XIRP2: variants seen among roughly 807,000 people sequenced by gnomAD.
XIRP2 encodes xin actin binding repeat containing 2.
Under a neutral mutation model 277.0 loss-of-function variants are expected in XIRP2, and 236 were observed. That is an observed-to-expected ratio of 0.85 (90% confidence interval 0.77 to 0.95). XIRP2 has a LOEUF of 0.95. Among genes scored for constraint, XIRP2 ranks in the 40% least tolerant of loss-of-function variants. XIRP2 has a pLI of 0.00. For synonymous variants in XIRP2, 1,490 were observed against 1,416.5 expected, an observed-to-expected ratio of 1.05 and a Z score of -1.17; for missense variants, 4,640 against 4,157.5, an observed-to-expected ratio of 1.12 and a Z score of -3.19.
At chr2:167,078,562 A>T (rs1379047616) in intron 2 of XIRP2, among the ~76,000 whole-genome samples, 1 of 152,096 alleles carries the variant, frequency 6.6e-6, no homozygotes, top group East Asian at 1.9e-4. Flanking sequence ...ACTGGCCGGG[A>T]GTGGTGGCTC....
chr2:167,014,257 C>T (rs1170964437), intron 2 of XIRP2, among the ~76,000 whole-genome samples: 1 of 151,214 alleles, frequency 6.6e-6, no homozygotes. Flanking sequence ...CAGAGAACAC[C>T]TATAAACAAA....
chr2:167,035,863 G>A (rs778306674), intron 2 of XIRP2, among the ~76,000 whole-genome samples: 10 of 152,176 alleles, frequency 6.6e-5, no homozygotes, highest in Non-Finnish European at 1.5e-5. Context: ...CCTATGCTTT[G>A]TGCAGCCTAG....
chr2:167,119,863 T>G (rs1191583892), intron 2 of XIRP2, among the ~76,000 whole-genome samples: 1 of 152,214 alleles, frequency 6.6e-6, no homozygotes, highest in African/African-American at 2.4e-5. Flanking sequence ...CTGTCATGCA[T>G]GCAAAGTGCT....
At chr2:167,055,307 GT>G (rs1689013710) in intron 2 of XIRP2, among the ~76,000 whole-genome samples, 1 of 152,140 alleles carries the variant, frequency 6.6e-6, no homozygotes, top group Admixed American at 6.5e-5. Context: ...CAAATCAAGA[GT>G]AAATGAGGTG....
At chr2:167,241,258 C>T (rs1308633316) in intron 7 of XIRP2, among the ~76,000 whole-genome samples, 1 of 152,050 alleles carries the variant, frequency 6.6e-6, no homozygotes, top group Admixed American at 6.5e-5. Context: ...TTTAAGCCAA[C>T]TGTGACCGAA....
chr2:167,188,800 T>G (rs1693240195), intron 3 of XIRP2, among the ~76,000 whole-genome samples: 1 of 152,236 alleles, frequency 6.6e-6, no homozygotes, highest in Admixed American at 6.5e-5. Context: ...AAATGCAGTC[T>G]GGAGTTTGGA....
chr2:167,095,137 A>G (rs1214673309), intron 2 of XIRP2, among the ~76,000 whole-genome samples: 1 of 152,170 alleles, frequency 6.6e-6, no homozygotes. Context: ...ATGTATAGGA[A>G]TGCTTGTGAT....
chr2:166,939,156 C>T lies in XIRP2; in HGVS notation c.408+35266C>T, dbSNP rs536521844. Among the ~76,000 whole-genome samples, 7 of 152,248 alleles carry T rather than the reference C, an allele frequency of 4.6e-5. 1 individual carries two copies. Among genetic ancestry groups the T allele is most frequent in the African/African-American group, 1.7e-4 (7 of 41,556 alleles). ...ATTATAATGTTAGCTGGTTATTTTG[C>T]TCATTAATTGATGCAGTTTCTTCCT... is the stretch of plus-strand genomic sequence containing the variant. On this transcript the variant is annotated intron_variant, in intron 2 of 10. Coordinates refer to ENST00000409195, the MANE Select transcript of XIRP2 (RefSeq NM_152381.6).
At chr2:167,178,314 A>G (rs1692912842) in intron 3 of XIRP2, among the ~76,000 whole-genome samples, 1 of 151,766 alleles carries the variant, frequency 6.6e-6, no homozygotes, top group African/African-American at 2.4e-5. Context: ...ACATATAACT[A>G]TGAAAAACAC....
At chr2:166,897,707 T>C (rs1340862692) in intron 1 of XIRP2, among the ~76,000 whole-genome samples, 5 of 152,036 alleles carry the variant, frequency 3.3e-5, no homozygotes, top group Admixed American at 2.6e-4. Flanking sequence ...GTTCAGCCCA[T>C]GGGAGAGCAG....
intron 2 of XIRP2, among the ~76,000 whole-genome samples, chr2:167,105,633 T>G (rs1037710568): frequency 6.6e-6 from 1 of 151,882 alleles, no homozygotes; most frequent in African/African-American, 2.4e-5. Context: ...ATACACAGGT[T>G]CTTGTATGAA....
At chr2:166,912,814 T>A (rs1475607383) in intron 2 of XIRP2, among the ~76,000 whole-genome samples, 1 of 152,210 alleles carries the variant, frequency 6.6e-6, no homozygotes, top group Admixed American at 6.5e-5. Flanking sequence ...TTGTTAGTTT[T>A]CCTTCTAACA....
intron 2 of XIRP2, among the ~76,000 whole-genome samples, chr2:166,969,765 A>T (rs188104879): frequency 5.3e-5 from 8 of 151,972 alleles, no homozygotes; most frequent in African/African-American, 1.9e-4. Flanking sequence ...AAAAAAAAAA[A>T]GTATAAACTG....
At chr2:167,006,115 G>A (rs749084314) in intron 2 of XIRP2, among the ~76,000 whole-genome samples, 7 of 151,752 alleles carry the variant, frequency 4.6e-5, no homozygotes, top group Non-Finnish European at 7.4e-5. Context: ...ATGGTGCCTG[G>A]CAAGTTTTAG....
rs779027359 is a variant in XIRP2, at chr2:167,246,259, A to G, written c.4867A>G (p.Ile1623Val). 2.5e-6 allele frequency: 4 copies of G among 1,613,514 alleles called. No individual in the cohort carries two copies. Among genetic ancestry groups the G allele is most frequent in the African/African-American group, 1.3e-5 (1 of 75,010 alleles). The part of the protein sequence containing the change: ...LSKRDCTERE[I>V]LISEEEKGNV... ...CAAAAGGGACTGTACTGAAAGAGAG[A>G]TTTTGATTAGTGAAGAAGAGAAGGG... Residue 1623 changes from isoleucine (I) to valine (V), a missense_variant, in exon 9 of 11, where the codon ATT becomes GTT. By Grantham distance (29) the Ile-to-Val change is conservative. Transcript: ENST00000409195.
At chr2:167,150,168 A>G (rs991008864) in intron 3 of XIRP2, among the ~76,000 whole-genome samples, 4 of 152,058 alleles carry the variant, frequency 2.6e-5, no homozygotes, top group African/African-American at 7.2e-5. Flanking sequence ...AATCGGTAGC[A>G]CTACTAATAA....
Position 167,245,455 on chromosome 2 carries a change from G to C in XIRP2, c.4063G>C (p.Glu1355Gln), listed in dbSNP as rs534401904. The change falls in exon 9 of 11, where the codon GAA becomes CAA. Residue 1355 changes from glutamate (E) to glutamine (Q), a missense_variant. Coordinates refer to ENST00000409195, the MANE Select transcript of XIRP2 (RefSeq NM_152381.6). ...GDVRGTRWLF[E>Q]TKPLDSINKS... ...TGTGCGAGGAACAAGGTGGCTTTTT[G>C]AAACAAAGCCATTAGACTCTATTAA... 1.2e-6 allele frequency: 2 copies of C among 1,613,502 alleles called. No individual in the cohort carries two copies. The highest frequency in any genetic ancestry group is 4.5e-5 in the East Asian group (2 of 44,834).
intron 5 of XIRP2, among the ~76,000 whole-genome samples, chr2:167,232,413 C>A (rs1409774385): frequency 6.6e-6 from 1 of 151,334 alleles, no homozygotes; most frequent in Non-Finnish European, 1.5e-5. Context: ...CTTTGAGTAA[C>A]CCCCTAAATC....
intron 3 of XIRP2, among the ~76,000 whole-genome samples, chr2:167,156,959 T>C (rs1210993964): frequency 6.6e-6 from 1 of 152,200 alleles, no homozygotes; most frequent in East Asian, 1.9e-4. Context: ...CATTGAACTT[T>C]GATTTGTTTC....
Sources: allele counts gnomAD v4.1 joint callset (sites outside exome capture counted in the v4.1 genomes callset), GRCh38; gene constraint gnomAD v4.1.1; transcripts MANE v1.5; gene names NCBI Gene and HGNC (gene_info 2026-07-23, HGNC 2026-07-21).